Variants in MARCHF11 observed in about 807,000 individuals in gnomAD.
MARCHF11 encodes the protein E3 ubiquitin-protein ligase MARCHF11.
A neutral mutation model predicts 37.3 loss-of-function variants in MARCHF11; 29 were observed. That is an observed-to-expected ratio of 0.78 (90% confidence interval 0.58 to 1.06). MARCHF11 has a LOEUF of 1.06. Ranked by LOEUF, MARCHF11 falls within the 50% of genes least tolerant of loss-of-function variation. MARCHF11 has a pLI of 0.00. For synonymous variants in MARCHF11, 233 were observed against 228.0 expected (o/e 1.02, Z -0.20); for missense variants, 482 against 533.4 (o/e 0.90, Z 0.95).
intron 2 of MARCHF11, among the ~76,000 whole-genome samples, chr5:16,133,342 G>C (rs1737550760): frequency 6.6e-6 from 1 of 152,090 alleles, no homozygotes; most frequent in Non-Finnish European, 1.5e-5. Flanking sequence ...GAAGGAGAGA[G>C]AGCCCAGTTG....
rs373489015 is a variant in MARCHF11 at position 16,092,709 on chromosome 5, G to A, written c.694-1628C>T. Among the ~76,000 whole-genome samples the A allele has an allele frequency of 7.9e-5, 12 of 152,224 alleles. No homozygotes were observed. In the East Asian group the frequency reaches 1.2e-3, roughly 15 times the overall value. ...GTATACCTATGTAACAATCCTGCAC[G>A]TTGTGCATCTGTATCCCAGAACTTA... On this transcript the variant is annotated intron_variant, in intron 2 of 3. Transcript: ENST00000332432.
intron 2 of MARCHF11, among the ~76,000 whole-genome samples, chr5:16,108,745 C>A (rs1737088313): frequency 6.6e-6 from 1 of 152,144 alleles, no homozygotes; most frequent in Non-Finnish European, 1.5e-5. Flanking sequence ...GGAGAGTGGA[C>A]AACACAGAAC....
chr5:16,096,792 G>A (rs980769763), intron 2 of MARCHF11, among the ~76,000 whole-genome samples: 2 of 152,160 alleles, frequency 1.3e-5, no homozygotes, highest in Non-Finnish European at 2.9e-5. Context: ...CACTCCATCA[G>A]GTCTCTAAGA....
chr5:16,135,784 T>C (rs1331904622), intron 2 of MARCHF11, among the ~76,000 whole-genome samples: 1 of 151,678 alleles, frequency 6.6e-6, no homozygotes, highest in Non-Finnish European at 1.5e-5. Flanking sequence ...GCCACACTTT[T>C]GTTTGGAACG....
intron 2 of MARCHF11, among the ~76,000 whole-genome samples, chr5:16,173,116 C>T (rs1461292279): frequency 4.6e-5 from 7 of 152,128 alleles, no homozygotes; most frequent in Non-Finnish European, 8.8e-5. Flanking sequence ...AAGCCTAATC[C>T]CTGAAAAGGT....
intron 2 of MARCHF11, among the ~76,000 whole-genome samples, chr5:16,137,465 A>G (rs1323868213): frequency 6.6e-6 from 1 of 152,218 alleles, no homozygotes; most frequent in Non-Finnish European, 1.5e-5. Flanking sequence ...CTGTGAGTCC[A>G]TTAAACCTCT....
chr5:16,133,338 G>A (rs751633521), intron 2 of MARCHF11, among the ~76,000 whole-genome samples: 3 of 152,106 alleles, frequency 2.0e-5, no homozygotes, highest in Non-Finnish European at 2.9e-5. Context: ...TGCTGAAGGA[G>A]AGAGAGCCCA....
intron 2 of MARCHF11, among the ~76,000 whole-genome samples, chr5:16,106,175 T>C (rs1388241490): frequency 6.6e-6 from 1 of 152,032 alleles, no homozygotes; most frequent in Admixed American, 6.5e-5. Context: ...AAGTCTGACA[T>C]GAGACCTTCC....
At chr5:16,102,980 A>G (rs1736983641) in intron 2 of MARCHF11, among the ~76,000 whole-genome samples, 1 of 152,228 alleles carries the variant, frequency 6.6e-6, no homozygotes, top group African/African-American at 2.4e-5. Flanking sequence ...CCACCGATGT[A>G]AAAATACATA....
intron 2 of MARCHF11, among the ~76,000 whole-genome samples, chr5:16,095,968 T>C (rs1736861003): frequency 6.6e-6 from 1 of 152,228 alleles, no homozygotes; most frequent in Admixed American, 6.5e-5. Flanking sequence ...TTGCATTCTC[T>C]GCATCCATCC....
intron 2 of MARCHF11, among the ~76,000 whole-genome samples, chr5:16,143,409 C>T (rs942164809): frequency 2.0e-5 from 3 of 152,220 alleles, no homozygotes; most frequent in Non-Finnish European, 4.4e-5. Context: ...ATTCAGCTGC[C>T]CTGGCCCACT....
chr5:16,154,351 G>A (rs557969976), intron 2 of MARCHF11, among the ~76,000 whole-genome samples: 1 of 152,036 alleles, frequency 6.6e-6, no homozygotes, highest in African/African-American at 2.4e-5. Flanking sequence ...AAGCACACAG[G>A]CCACATTTAC....
rs1290864237 is a variant in MARCHF11 at position 16,124,735 on chromosome 5, T to A, written c.694-33654A>T. Among the ~76,000 whole-genome samples, 2 of 141,700 alleles carry A rather than the reference T, an allele frequency of 1.4e-5. 1 individual carries two copies. Among genetic ancestry groups the A allele is most frequent in the Non-Finnish European group, 3.3e-5 (2 of 61,224 alleles). 93.0% of individuals were successfully genotyped at this position (141,700 alleles called of 152,430 possible). A position where few individuals can be genotyped will look rare whatever the true frequency, so the allele number is the denominator to read the frequency against. The stretch of plus-strand genomic sequence containing the variant: ...TCTCAAGGAACTTTACTTCCATTCA[T>A]GTCAGTGATACCTACAGAGAGAATT... On this transcript the variant is annotated intron_variant, in intron 2 of 3. Transcript: ENST00000332432.
intron 2 of MARCHF11, among the ~76,000 whole-genome samples, chr5:16,147,762 C>T (rs978005709): frequency 1.3e-5 from 2 of 152,118 alleles, no homozygotes; most frequent in Non-Finnish European, 2.9e-5. Flanking sequence ...GTATAGCATA[C>T]GTAGCAATAC....
intron 3 of MARCHF11, among the ~76,000 whole-genome samples, chr5:16,080,173 G>T (rs532312252): frequency 6.6e-6 from 1 of 152,092 alleles, no homozygotes; most frequent in Non-Finnish European, 1.5e-5. Flanking sequence ...AATTCACTGC[G>T]GTCTCGCATC....
intron 3 of MARCHF11, among the ~76,000 whole-genome samples, chr5:16,080,929 C>T (rs762661924): frequency 9.2e-5 from 14 of 152,142 alleles, no homozygotes; most frequent in South Asian, 2.1e-4. Context: ...GTCTCCCTCC[C>T]GAGCTCCACC....
chr5:16,080,369 A>G (rs1736587137), intron 3 of MARCHF11, among the ~76,000 whole-genome samples: 1 of 151,518 alleles, frequency 6.6e-6, no homozygotes, highest in African/African-American at 2.4e-5. Flanking sequence ...CTGTTTCTCC[A>G]CCGTGTTCCC....
At chr5:16,110,470 T>C (rs912107952) in intron 2 of MARCHF11, among the ~76,000 whole-genome samples, 2 of 152,180 alleles carry the variant, frequency 1.3e-5, no homozygotes, top group African/African-American at 4.8e-5. Flanking sequence ...AGCATCTTCA[T>C]ATATGAAGGG....
At chr5:16,083,250 A>G (rs10057383) in intron 3 of MARCHF11, among the ~76,000 whole-genome samples, 52,314 of 151,896 alleles carry the variant, frequency 0.34, 9,902 homozygotes, top group East Asian at 0.64. Context: ...ACCACACTGG[A>G]TTCTGGTGGT....
Sources: gnomAD v4.1 joint callset for allele counts (sites outside exome capture counted in the v4.1 genomes callset) on GRCh38, gnomAD v4.1.1 for gene constraint, MANE v1.5 for transcripts, NCBI Gene and HGNC (gene_info 2026-07-23, HGNC 2026-07-21) for gene names.